Variants in ARFGEF3 observed in about 807,000 individuals in gnomAD.
ARFGEF3 encodes ARFGEF family member 3, also known as brefeldin A-inhibited guanine nucleotide-exchange protein 3.
ARFGEF3 carries 96 observed loss-of-function variants against 221.7 expected under a neutral mutation model. The ratio of observed to expected loss-of-function variants is 0.43; its 90% CI spans 0.37 to 0.51. The LOEUF (loss-of-function observed/expected upper bound fraction) is 0.51, where lower values mean the gene tolerates loss of function less well. Ranked by LOEUF, ARFGEF3 falls within the 20% of genes least tolerant of loss-of-function variation. The pLI, the probability that ARFGEF3 is intolerant of heterozygous loss-of-function variation, is 0.00. For synonymous variants in ARFGEF3, 1,145 were observed against 1,126.8 expected (o/e 1.02, Z -0.32); for missense variants, 2,410 against 2,789.9 (o/e 0.86, Z 3.07).
intron 33 of ARFGEF3, among the ~76,000 whole-genome samples, chr6:138,335,876 T>C (rs1471615145): frequency 1.3e-5 from 2 of 152,230 alleles, no homozygotes; most frequent in Non-Finnish European, 2.9e-5. Flanking sequence ...CTCAAGTTTT[T>C]CTAGCCCATC....
chr6:138,250,858 T>G (rs1778568906), intron 8 of ARFGEF3, among the ~76,000 whole-genome samples: 1 of 152,246 alleles, frequency 6.6e-6, no homozygotes. Flanking sequence ...AGACAGATTT[T>G]TCCCTCATGT....
chr6:138,328,325 T>C lies in ARFGEF3; in HGVS notation c.5123+183T>C, dbSNP rs113719005. Among the ~76,000 whole-genome samples, 87 of 152,294 alleles carry C rather than the reference T, an allele frequency of 5.7e-4. 1 individual carries two copies. The highest frequency in any genetic ancestry group is 1.9e-3 in the African/African-American group (80 of 41,546). On this transcript the variant is annotated intron_variant, in intron 32 of 33. Transcript: ENST00000251691. ...CCAAATTACCCACATTTCATACATATTAGGTTATCCGGGCTGCCACAGAAA... is the reference window on the plus strand; with the variant it reads ...CCAAATTACCCACATTTCATACATACTAGGTTATCCGGGCTGCCACAGAAA...
At chr6:138,311,553 C>A in intron 25 of ARFGEF3, 43 bp downstream of exon 25, 1 of 1,379,224 alleles carries the variant, frequency 7.3e-7, no homozygotes, top group Non-Finnish European at 1.0e-6. Flanking sequence ...GGAAACCTGC[C>A]TCGGAACATG....
intron 12 of ARFGEF3, among the ~76,000 whole-genome samples, chr6:138,266,226 G>GAA (rs1778889306): frequency 6.6e-6 from 1 of 151,326 alleles, no homozygotes. Context: ...AAGAGAAAGA[G>GAA]AGAAAGAGAA....
chr6:138,176,716 C>A (rs773015122), intron 2 of ARFGEF3, among the ~76,000 whole-genome samples: 5 of 151,794 alleles, frequency 3.3e-5, no homozygotes, highest in Non-Finnish European at 5.9e-5. Flanking sequence ...GACCTGTGAG[C>A]TTTTGTGTTT....
chr6:138,165,264 C>T (rs1476416303), intron 1 of ARFGEF3, among the ~76,000 whole-genome samples: 2 of 151,778 alleles, frequency 1.3e-5, no homozygotes, highest in African/African-American at 2.4e-5. Flanking sequence ...CCCTCTGAGA[C>T]CCTCATGGGA....
At position 138,319,946 on chromosome 6, in the gene ARFGEF3, G is replaced by A. The variant is rs868403971; in HGVS notation, c.4651+67G>A. On this transcript the variant is annotated intron_variant, in intron 28 of 33. Transcript: ENST00000251691. The stretch of plus-strand genomic sequence containing the variant: ...GGTAGACAGCACCGTCAGCTAAAAC[G>A]GTGTAGTAAATACCTAATGCAAATA... The A allele has an allele frequency of 1.3e-4, 173 of 1,377,666 alleles. 1 individual carries two copies. Among genetic ancestry groups the A allele is most frequent in the Middle Eastern group, 6.8e-4 (3 of 4,402 alleles). 85.3% of individuals were successfully genotyped at this position (1,377,666 alleles called of 1,614,324 possible).
chr6:138,196,822 CTTTT>C (rs1777432734), intron 2 of ARFGEF3, among the ~76,000 whole-genome samples: 1 of 151,980 alleles, frequency 6.6e-6, no homozygotes, highest in African/African-American at 2.4e-5. Flanking sequence ...GCTTTATTTT[CTTTT>C]TCTTTTTATT....
In ARFGEF3 at chr6:138,182,982, G is replaced by T. The variant is rs112620767; in HGVS notation, c.137+12269G>T. Among the ~76,000 whole-genome samples the T allele has an allele frequency of 9.0e-3, 1,378 of 152,272 alleles. 13 individuals carry two copies. Among genetic ancestry groups the T allele is most frequent in the Non-Finnish European group, 0.015 (1,002 of 68,014 alleles). ...TTCCTGAAACTATAACTGCCCCATG[G>T]TGTGCTTTATTTTATAAATCCTATT... On this transcript the variant is annotated intron_variant, in intron 2 of 33. Coordinates refer to ENST00000251691, the MANE Select transcript of ARFGEF3 (RefSeq NM_020340.5).
intron 22 of ARFGEF3, among the ~76,000 whole-genome samples, chr6:138,304,073 T>C (rs2114655013): frequency 6.6e-6 from 1 of 152,160 alleles, no homozygotes; most frequent in African/African-American, 2.4e-5. Flanking sequence ...TTATTCATAA[T>C]AGCCAGAAAG....
At chr6:138,170,401 C>T (rs1331293191) in intron 1 of ARFGEF3, among the ~76,000 whole-genome samples, 9 of 152,170 alleles carry the variant, frequency 5.9e-5, no homozygotes. Context: ...AGGAATTTAA[C>T]TATTCGTTCT....
rs118044713 is a variant in ARFGEF3 at position 138,162,236 on chromosome 6, C to T, written c.85+65C>T. On this transcript the variant is annotated intron_variant, in intron 1 of 33. Coordinates refer to ENST00000251691, the MANE Select transcript of ARFGEF3 (RefSeq NM_020340.5). This position sits in a 1 kb window ranked among gnomAD's most constrained non-coding sequence, Gnocchi z 4.7. Reference sequence around the variant, plus strand: ...CGCGGCCGGGGCTGAACCCGCGCCTCCGCGCGTGGGGCTTTCGCGGAGCGT... The same window carrying T: ...CGCGGCCGGGGCTGAACCCGCGCCTTCGCGCGTGGGGCTTTCGCGGAGCGT... 0.016 allele frequency: 20,162 copies of T among 1,249,408 alleles called. 223 individuals are homozygous for T. Among genetic ancestry groups the T allele is most frequent in the Middle Eastern group, 0.021 (84 of 4,040 alleles). The allele number at this position is 1,249,408 out of a possible 1,614,324, so 77.4% of individuals were successfully genotyped here. A position where few individuals can be genotyped will look rare whatever the true frequency, so the allele number is the denominator to read the frequency against.
At chr6:138,167,416 A>T (rs985050561) in intron 1 of ARFGEF3, among the ~76,000 whole-genome samples, 1 of 152,100 alleles carries the variant, frequency 6.6e-6, no homozygotes, top group African/African-American at 2.4e-5. Context: ...TCTCCACCTG[A>T]ATGGCTTGCA....
At chr6:138,212,889 C>T (rs1424845759) in intron 4 of ARFGEF3, among the ~76,000 whole-genome samples, 1 of 152,028 alleles carries the variant, frequency 6.6e-6, no homozygotes, top group African/African-American at 2.4e-5. Context: ...GGAGGGATAG[C>T]ATTAGGAGAA....
intron 26 of ARFGEF3, among the ~76,000 whole-genome samples, chr6:138,315,042 A>C (rs996084622): frequency 6.6e-6 from 1 of 152,236 alleles, no homozygotes. Context: ...TGACTTTAGC[A>C]AATTGGAATG....
At chr6:138,264,042 A>G (rs1013144120) in intron 12 of ARFGEF3, among the ~76,000 whole-genome samples, 2 of 152,244 alleles carry the variant, frequency 1.3e-5, no homozygotes, top group Admixed American at 1.3e-4. Context: ...TTGCACGCCA[A>G]GTCCTCCCAA....
chr6:138,313,314 C>G (rs2114669087), intron 25 of ARFGEF3, among the ~76,000 whole-genome samples: 1 of 152,320 alleles, frequency 6.6e-6, no homozygotes, highest in African/African-American at 2.4e-5. Flanking sequence ...CTTCCTCTCT[C>G]CCTCCTGGTC....
intron 26 of ARFGEF3, 122 bp from the exon 27 acceptor site, chr6:138,317,129 C>T (rs1217197711): frequency 1.0e-6 from 1 of 992,930 alleles, no homozygotes; most frequent in African/African-American, 1.6e-5. Context: ...GCTAACAACA[C>T]TGGGTGATGG....
At chr6:138,274,853 A>G (rs1184676144) in intron 12 of ARFGEF3, among the ~76,000 whole-genome samples, 4 of 151,144 alleles carry the variant, frequency 2.6e-5, no homozygotes, top group Non-Finnish European at 4.4e-5. Flanking sequence ...CACACCTGTG[A>G]TCCCAGCACT....
Sources: gnomAD v4.1 joint callset for allele counts (sites outside exome capture counted in the v4.1 genomes callset) on GRCh38, gnomAD v4.1.1 for gene constraint, Gnocchi (gnomAD v3.1) non-coding constraint, MANE v1.5 for transcripts, NCBI Gene and HGNC (gene_info 2026-07-23, HGNC 2026-07-21) for gene names.